Variants in COQ8B observed in about 807,000 individuals in gnomAD.
COQ8B encodes the protein coenzyme Q8B.
A neutral mutation model predicts 62.0 loss-of-function variants in COQ8B; 44 were observed. That is an observed-to-expected ratio of 0.71 (90% CI 0.56 to 0.91). The LOEUF (loss-of-function observed/expected upper bound fraction) is 0.91. Among genes scored for constraint, COQ8B ranks in the 40% least tolerant of loss-of-function variants. The pLI, the probability that COQ8B is intolerant of heterozygous loss-of-function variation, is 0.00. For synonymous variants in COQ8B, 252 were observed against 289.9 expected, an observed-to-expected ratio of 0.87 and a Z score of 1.33; for missense variants, 649 against 731.6, an observed-to-expected ratio of 0.89 and a Z score of 1.30.
At chr19:40,706,097 G>T (rs948995134) in intron 5 of COQ8B, among the ~76,000 whole-genome samples, 1 of 152,126 alleles carries the variant, frequency 6.6e-6, no homozygotes, top group Non-Finnish European at 1.5e-5. Context: ...AAGCAGCCGG[G>T]TGCATGAAAT....
intron 12 of COQ8B, among the ~76,000 whole-genome samples, chr19:40,699,585 C>T (rs779314657): frequency 1.3e-5 from 2 of 152,210 alleles, no homozygotes; most frequent in African/African-American, 2.4e-5. Flanking sequence ...GTATGGATGA[C>T]GAGTGTGGTA....
At chr19:40,693,325 G>A (rs765590166) in intron 13 of COQ8B, among the ~76,000 whole-genome samples, 27 of 152,164 alleles carry the variant, frequency 1.8e-4, no homozygotes, top group Non-Finnish European at 3.7e-4. Flanking sequence ...CAAGTGTCAG[G>A]GCTGCTGGTG....
Position 40,695,955 on chromosome 19 carries a change from C to T in COQ8B, c.1209+34G>A, listed in dbSNP as rs75686781. 1.1e-3 allele frequency: 1,741 copies of T among 1,608,966 alleles called. 13 individuals are homozygous for T. The African/African-American group carries it at 0.018, about 17-fold the overall frequency. On this transcript the variant is annotated intron_variant, in intron 13 of 14. Transcript: ENST00000324464. ...CTCAGTATATGGCTTGAGCCTCAGC[C>T]TTTCAGAGGCCCTGGGGTCTGGGGG...
intron 4 of COQ8B, among the ~76,000 whole-genome samples, chr19:40,711,522 C>T (rs1189980600): frequency 6.6e-6 from 1 of 152,174 alleles, no homozygotes; most frequent in Non-Finnish European, 1.5e-5. Context: ...CCAGGCTTGA[C>T]CTCTCCCTTT....
chr19:40,705,573 C>T, intron 5 of COQ8B, 126 bp from the exon 6 acceptor site: 1 of 1,023,600 alleles, frequency 9.8e-7, no homozygotes, highest in Non-Finnish European at 1.4e-6. Context: ...GAGTCTGAGA[C>T]CAGTCTGGGC....
chr19:40,706,844 A>G (rs2082104474), intron 5 of COQ8B, among the ~76,000 whole-genome samples: 1 of 152,238 alleles, frequency 6.6e-6, no homozygotes, highest in South Asian at 2.1e-4. Flanking sequence ...GGCTCATTCT[A>G]ACAGTTTTAT....
In COQ8B at chr19:40,705,170, T is replaced by G; in HGVS notation, c.502A>C (p.Ile168Leu). 2 of 1,613,440 alleles carry G rather than the reference T, an allele frequency of 1.2e-6. No individual in the cohort carries two copies. The highest frequency in any genetic ancestry group is 1.7e-6 in the Non-Finnish European group (2 of 1,179,740). The stretch of plus-strand genomic sequence containing the variant: ...AAGATGTGCTGCAGCTGAGGGCTGA[T>G]GAAGCTGTTGTCTTGGGAGACAGTG... ...QMLSIQDNSFISPQLQHIFER... is the reference protein window; with the variant it reads ...QMLSIQDNSFLSPQLQHIFER... Residue 168 changes from isoleucine (I) to leucine (L), a missense_variant, in exon 7 of 15, where the codon ATC becomes CTC. By Grantham distance (5) the Ile-to-Leu change is conservative. Coordinates refer to ENST00000324464, the MANE Select transcript of COQ8B (RefSeq NM_024876.4).
intron 13 of COQ8B, 76 bp downstream of exon 13, chr19:40,695,913 C>G (rs1428736852): frequency 1.4e-6 from 2 of 1,442,552 alleles, no homozygotes; most frequent in Non-Finnish European, 1.9e-6. Flanking sequence ...CTGCATTTCG[C>G]CTTCTTACTC....
chr19:40,713,894 T>A (rs1015369896), intron 4 of COQ8B, among the ~76,000 whole-genome samples, 173 bp downstream of exon 4: 4 of 151,108 alleles, frequency 2.6e-5, no homozygotes, highest in Non-Finnish European at 2.9e-5. Flanking sequence ...AAAAAAAAAA[T>A]TATCATTTAT....
Position 40,703,531 on chromosome 19 carries a change from G to A in COQ8B, c.799+10C>T. Reference sequence around the variant, plus strand: ...TGGGAGGTCAGCAGAGGAGTGGGTGGGCGCCTCACCCGCGGGCAGGGCCGC... The same window carrying A: ...TGGGAGGTCAGCAGAGGAGTGGGTGAGCGCCTCACCCGCGGGCAGGGCCGC... On this transcript the variant is annotated intron_variant, in intron 9 of 14. Transcript: ENST00000324464. The A allele has an allele frequency of 6.3e-7, 1 of 1,592,714 alleles. No individual in the cohort carries two copies. The highest frequency in any genetic ancestry group is 8.6e-7 in the Non-Finnish European group (1 of 1,167,846).
intron 12 of COQ8B, among the ~76,000 whole-genome samples, chr19:40,699,518 G>A (rs1439388080): frequency 6.6e-6 from 1 of 152,166 alleles, no homozygotes; most frequent in Non-Finnish European, 1.5e-5. Context: ...AGAAGGCAAG[G>A]GTCAGGGATG....
At chr19:40,703,427 G>T in intron 9 of COQ8B, 114 bp downstream of exon 9, 2 of 1,108,512 alleles carry the variant, frequency 1.8e-6, no homozygotes, top group Non-Finnish European at 2.5e-6. Context: ...TGACACTCCC[G>T]CTCACAACGC....
At chr19:40,708,737 G>A (rs2082119131) in intron 5 of COQ8B, among the ~76,000 whole-genome samples, 1 of 151,912 alleles carries the variant, frequency 6.6e-6, no homozygotes, top group South Asian at 2.1e-4. Context: ...AGACCGGCCT[G>A]GGCAACATGG....
rs367989199 is a variant in COQ8B at position 40,702,713 on chromosome 19, G to C, written c.800-20C>G. On this transcript the variant is annotated intron_variant, in intron 9 of 14. Transcript: ENST00000324464. ...ACAGGCCTGTGGGGGAGGTGTGTCAGCCAGGGAAGGGCCCCGAGCGCCCAC... is the reference window on the plus strand; with the variant it reads ...ACAGGCCTGTGGGGGAGGTGTGTCACCCAGGGAAGGGCCCCGAGCGCCCAC... 3.1e-6 allele frequency: 5 copies of C among 1,603,438 alleles called. No individual in the cohort carries two copies. The highest frequency in any genetic ancestry group is 3.3e-5 in the Admixed American group (2 of 59,970).
chr19:40,702,704 G>A lies in COQ8B; in HGVS notation c.800-11C>T. The A allele has an allele frequency of 1.2e-6, 2 of 1,605,604 alleles. No homozygotes were observed. Among genetic ancestry groups the A allele is most frequent in the East Asian group, 4.5e-5 (2 of 44,868 alleles). ...GCTCGGCAAACAGGCCTGTGGGGGA[G>A]GTGTGTCAGCCAGGGAAGGGCCCCG... is the stretch of plus-strand genomic sequence containing the variant. On this transcript the variant is annotated splice_polypyrimidine_tract_variant and intron_variant, in intron 9 of 14. Transcript: ENST00000324464.
chr19:40,705,353 G>C lies in COQ8B; in HGVS notation c.462C>G (p.Leu154=). 1 of 1,597,856 alleles carries C rather than the reference G, an allele frequency of 6.3e-7. No homozygotes were observed. The highest frequency in any genetic ancestry group is 8.6e-7 in the Non-Finnish European group (1 of 1,167,158). ...QTLCTVRGAA[L]KVGQMLSIQD... is the part of the protein sequence containing the mutation. ...GGATGCTGAGCATCTGGCCAACCTT[G>C]AGGGCGGCCCCTCGAACTGTACATA... Residue 154 remains leucine (L), a synonymous_variant, in exon 6 of 15, where the codon CTC becomes CTG. Transcript: ENST00000324464.
In COQ8B at chr19:40,714,581, G is replaced by A. The variant is rs771869551; in HGVS notation, c.52C>T (p.Gln18Ter). The A allele has an allele frequency of 1.9e-6, 3 of 1,613,136 alleles. No individual in the cohort carries two copies. The highest frequency in any genetic ancestry group is 1.7e-5 in the Admixed American group (1 of 59,740). Residue 18 changes from glutamine to a stop codon, truncating the protein, a stop_gained, in exon 2 of 15, where the codon CAG becomes TAG. Coordinates refer to ENST00000324464, the MANE Select transcript of COQ8B (RefSeq NM_024876.4). LOFTEE classifies it high-confidence loss of function. ...LLRGTGGQLG[Q>*]TVGWPCGALG... Reference sequence around the variant, plus strand: ...GCCCCACAAGGCCAACCAACAGTCTGGCCCAGCTGTCCACCGGTCCCCCGA... The same window carrying A: ...GCCCCACAAGGCCAACCAACAGTCTAGCCCAGCTGTCCACCGGTCCCCCGA...
rs748655191 is a variant in COQ8B at position 40,714,548 on chromosome 19, G to T, written c.85C>A (p.Pro29Thr). The T allele has an allele frequency of 2.5e-6, 4 of 1,613,324 alleles. No homozygotes were observed. The highest frequency in any genetic ancestry group is 3.4e-6 in the Non-Finnish European group (4 of 1,179,832). ...CCTCTTACCCAGCGGTGGGGCCCAG[G>T]CCCCAGGGCCCCACAAGGCCAACCA... ...TVGWPCGALG[P>T]GPHRWGPCGG... The change falls in exon 2 of 15, where the codon CCT becomes ACT. Residue 29 changes from proline (P) to threonine (T), a missense_variant. Coordinates refer to ENST00000324464, the MANE Select transcript of COQ8B (RefSeq NM_024876.4).
At chr19:40,693,439 A>G (rs1364885636) in intron 13 of COQ8B, among the ~76,000 whole-genome samples, 3 of 152,204 alleles carry the variant, frequency 2.0e-5, no homozygotes, top group African/African-American at 7.2e-5. Context: ...GAGCCCCGTG[A>G]GAGCAAGGAT....
Sources: allele counts gnomAD v4.1 joint callset (sites outside exome capture counted in the v4.1 genomes callset), GRCh38; gene constraint gnomAD v4.1.1; transcripts MANE v1.5; gene names NCBI Gene and HGNC (gene_info 2026-07-23, HGNC 2026-07-21).